FAM200B: variants seen among roughly 807,000 people sequenced by gnomAD.
FAM200B encodes the protein protein FAM200B.
In FAM200B, 32 loss-of-function variants were observed where a neutral mutation model predicts 33.1. The ratio of observed to expected loss-of-function variants is 0.97; its 90% CI spans 0.73 to 1.30. The LOEUF (loss-of-function observed/expected upper bound fraction) is 1.30. Ranked by LOEUF, FAM200B falls within the 50% of genes most tolerant of loss-of-function variation. The pLI, the probability that FAM200B is intolerant of heterozygous loss-of-function variation, is 0.00. For synonymous variants in FAM200B, 240 were observed against 264.8 expected (o/e 0.91, Z 0.91); for missense variants, 741 against 754.0 (o/e 0.98, Z 0.20).
chr4:15,654,803 T>C, the FAM200B span, among the ~76,000 whole-genome samples: 1 of 151,960 alleles, frequency 6.6e-6, no homozygotes, highest in African/African-American at 2.4e-5. Context: ...TCGGTGCAGA[T>C]GGGAGTCCAC....
Position 15,687,222 on chromosome 4 carries a change from A to G in FAM200B, c.245A>G (p.Asp82Gly). Residue 82 changes from aspartate to glycine, a missense_variant, in exon 2 of 2, where the codon GAC becomes GGC. By Grantham distance (94) the Asp-to-Gly change is moderately conservative. Transcript: ENST00000422728. ...FIKCEKPFEN[D>G]RPQCVICNNI... is the part of the protein sequence containing the mutation. ...AAATGTGAAAAACCCTTTGAAAATG[A>G]CAGACCTCAGTGTGTTATTTGTAAT... is the stretch of plus-strand genomic sequence containing the variant. 1 of 1,540,606 alleles carries G rather than the reference A, an allele frequency of 6.5e-7. No individual in the cohort carries two copies. The highest frequency in any genetic ancestry group is 8.8e-7 in the Non-Finnish European group (1 of 1,142,812).
At chr4:15,655,391 CCCGTCGGCGCGCGCGCCCGGT>C in the FAM200B span, 1 of 1,043,218 alleles carries the variant, frequency 9.6e-7, no homozygotes. Context: ...ATGCGCCCGC[CCCGTCGGCGCGCGCGCCCGGT>C]CGGCTTGGCC....
chr4:15,684,510 T>C (rs1718641064), intron 1 of FAM200B, among the ~76,000 whole-genome samples: 1 of 152,160 alleles, frequency 6.6e-6, no homozygotes, highest in South Asian at 2.1e-4. Flanking sequence ...AAGGACAAAA[T>C]TGTAGTAGTT....
chr4:15,645,120 A>G, the FAM200B span, among the ~76,000 whole-genome samples: 2 of 151,968 alleles, frequency 1.3e-5, no homozygotes, highest in South Asian at 4.2e-4. Context: ...AGCTACTAAC[A>G]CCATACCTCC....
the FAM200B span, chr4:15,655,167 CG>C: frequency 7.4e-7 from 1 of 1,350,208 alleles, no homozygotes; most frequent in Non-Finnish European, 9.8e-7. Context: ...CATCGCCGCC[CG>C]CACCGCCCAC....
intron 1 of FAM200B, among the ~76,000 whole-genome samples, chr4:15,682,943 G>A (rs747212805): frequency 8.5e-5 from 13 of 152,206 alleles, no homozygotes; most frequent in Non-Finnish European, 1.5e-4. Context: ...TGAGGCTTAA[G>A]CTTAAAGGAT....
chr4:15,676,979 T>C (rs1398992914), upstream of FAM200B, among the ~76,000 whole-genome samples: 2 of 152,176 alleles, frequency 1.3e-5, no homozygotes, highest in East Asian at 3.8e-4. Context: ...TCTATATTTA[T>C]TAAGAAAATA....
chr4:15,659,782 T>C, the FAM200B span: 85 of 976,160 alleles, frequency 8.7e-5, no homozygotes, highest in Non-Finnish European at 1.0e-4. Flanking sequence ...AATCTTGATT[T>C]TCAACCAGAG....
upstream of FAM200B, among the ~76,000 whole-genome samples, chr4:15,677,073 G>A (rs1464476707): frequency 3.9e-5 from 6 of 152,106 alleles, no homozygotes; most frequent in Non-Finnish European, 7.4e-5. Flanking sequence ...GCTAGATAGC[G>A]TTAAAACTAT....
chr4:15,687,325 T>A lies in FAM200B; in HGVS notation c.348T>A (p.Asp116Glu). Residue 116 changes from aspartate (D) to glutamate (E), a missense_variant, in exon 2 of 2, where the codon GAT (aspartate) becomes GAA (glutamate). Physicochemically the swap from Asp to Glu is conservative, Grantham distance 45. Coordinates refer to ENST00000422728, the MANE Select transcript of FAM200B (RefSeq NM_001145191.2). Reference sequence around the variant, plus strand: ...AAACTCAGCATGCTGAACTTATTGATAAGCCTCTTGAATATTTTCAAAGAA... The same window carrying A: ...AAACTCAGCATGCTGAACTTATTGAAAAGCCTCTTGAATATTTTCAAAGAA... ...HLETQHAELI[D>E]KPLEYFQRKK... 6.5e-7 allele frequency: 1 copy of A among 1,546,254 alleles called. No individual in the cohort carries two copies. The highest frequency in any genetic ancestry group is 8.7e-7 in the Non-Finnish European group (1 of 1,144,086).
chr4:15,646,951 G>C, the FAM200B span, among the ~76,000 whole-genome samples: 1 of 151,902 alleles, frequency 6.6e-6, no homozygotes, highest in African/African-American at 2.4e-5. Flanking sequence ...GGCTGGGCAT[G>C]GTGGCTCACA....
chr4:15,687,788 G>T lies in FAM200B; in HGVS notation c.811G>T (p.Asp271Tyr). The part of the protein sequence containing the change: ...LNLTSHLSGL[D>Y]IFTELERRIV... ...TTTAACCTCACACCTAAGTGGATTA[G>T]ATATTTTTACAGAATTAGAAAGGCG... Residue 271 changes from aspartate to tyrosine, a missense_variant, in exon 2 of 2, where the codon GAT becomes TAT. Transcript: ENST00000422728. 1.3e-6 allele frequency: 2 copies of T among 1,550,564 alleles called. No homozygotes were observed. The highest frequency in any genetic ancestry group is 2.4e-5 in the South Asian group (2 of 83,910).
chr4:15,670,710 G>GAA, the FAM200B span, among the ~76,000 whole-genome samples: 1 of 148,970 alleles, frequency 6.7e-6, no homozygotes, highest in African/African-American at 2.5e-5. Context: ...TTGAAAAAAG[G>GAA]AAAAAAAAAA....
the FAM200B span, among the ~76,000 whole-genome samples, chr4:15,650,455 T>TA: frequency 1.3e-5 from 2 of 152,148 alleles, no homozygotes; most frequent in Non-Finnish European, 2.9e-5. Flanking sequence ...AAAAGAGATT[T>TA]ATGACCTACT....
At chr4:15,645,864 T>C in the FAM200B span, among the ~76,000 whole-genome samples, 4 of 152,236 alleles carry the variant, frequency 2.6e-5, no homozygotes, top group Admixed American at 2.6e-4. Flanking sequence ...TATAAATTCA[T>C]ACATTTTTTA....
chr4:15,640,051 T>G, the FAM200B span, among the ~76,000 whole-genome samples: 1 of 152,162 alleles, frequency 6.6e-6, no homozygotes, highest in Non-Finnish European at 1.5e-5. Flanking sequence ...TTTTTGTTTA[T>G]TTGTTTGGAG....
chr4:15,643,875 CA>C, the FAM200B span, among the ~76,000 whole-genome samples: 23 of 152,170 alleles, frequency 1.5e-4, no homozygotes, highest in African/African-American at 5.5e-4. Flanking sequence ...CTTCGACTTA[CA>C]AAAACAGCTT....
chr4:15,647,339 A>G, the FAM200B span, among the ~76,000 whole-genome samples: 1 of 152,250 alleles, frequency 6.6e-6, no homozygotes, highest in Admixed American at 6.5e-5. Context: ...ATGTATTATA[A>G]GTAATCTAAA....
the FAM200B span, among the ~76,000 whole-genome samples, chr4:15,654,245 GCTTT>G: frequency 5.9e-5 from 9 of 152,312 alleles, 1 homozygote; most frequent in Middle Eastern, 3.4e-3. Context: ...TCATTTGAAT[GCTTT>G]ATTTAGTTGG....
Sources: allele counts gnomAD v4.1 joint callset (sites outside exome capture counted in the v4.1 genomes callset), GRCh38; gene constraint gnomAD v4.1.1; transcripts MANE v1.5; gene names NCBI Gene and HGNC (gene_info 2026-07-23, HGNC 2026-07-21).